The following GALNT15 variants were observed in gnomAD, a reference collection of about 807,000 sequenced individuals.
GALNT15 encodes the protein polypeptide N-acetylgalactosaminyltransferase 15.
GALNT15 carries 67 observed loss-of-function variants against 66.8 expected under a neutral mutation model. The ratio of observed to expected loss-of-function variants is 1.00; its 90% CI spans 0.82 to 1.23. GALNT15 has a LOEUF of 1.23. Ranked by LOEUF, GALNT15 falls within the 50% of genes most tolerant of loss-of-function variation. The pLI, the probability that GALNT15 is intolerant of heterozygous loss-of-function variation, is 0.00. For missense variants in GALNT15, 827 were observed against 804.3 expected (o/e 1.03, Z -0.34); for synonymous variants, 313 against 311.5 (o/e 1.00, Z -0.05).
chr3:16,178,685 A>G (rs1350408008), intron 1 of GALNT15, among the ~76,000 whole-genome samples: 3 of 152,194 alleles, frequency 2.0e-5, no homozygotes, highest in African/African-American at 7.2e-5. Flanking sequence ...CCCTCCCCCC[A>G]GGGTGACAGG....
In GALNT15 at chr3:16,175,410, T is replaced by A. The variant is rs1432589377; in HGVS notation, c.259T>A (p.Phe87Ile). The change falls in exon 1 of 10, where the codon TTT becomes ATT. Residue 87 changes from phenylalanine (F) to isoleucine (I), a missense_variant. Coordinates refer to ENST00000339732, the MANE Select transcript of GALNT15 (RefSeq NM_054110.5). The surrounding 1 kb of genome is among the most constrained non-coding windows in gnomAD (Gnocchi z 5.6). Reference protein sequence around the residue: ...EYSPLEGLPPFISLREDQLLV... With the variant: ...EYSPLEGLPPIISLREDQLLV... ...CAGCCCTCTGGAGGGCCTGCCACCC[T>A]TTATCTCACTGCGGGAGGATCAGCT... 6.2e-7 allele frequency: 1 copy of A among 1,614,136 alleles called. No homozygotes were observed. The highest frequency in any genetic ancestry group is 1.7e-5 in the Admixed American group (1 of 60,022).
chr3:16,184,045 C>T lies in GALNT15; in HGVS notation c.539+8355C>T, dbSNP rs2124842661. On this transcript the variant is annotated intron_variant, in intron 1 of 9. Transcript: ENST00000339732. This position sits in a 1 kb window ranked among gnomAD's most constrained non-coding sequence, Gnocchi z 5.0. ...TTTCAATCCAGGACACACCCCTGGG[C>T]TGGAGAAAGGTATCAACATCCCTGT... is the stretch of plus-strand genomic sequence containing the variant. 6.6e-6 allele frequency among the ~76,000 whole-genome samples: 1 copy of T among 152,282 alleles called. No homozygotes were observed. The highest frequency in any genetic ancestry group is 1.5e-5 in the Non-Finnish European group (1 of 68,024).
intron 8 of GALNT15, among the ~76,000 whole-genome samples, chr3:16,222,223 A>G (rs2063949663): frequency 6.6e-6 from 1 of 152,228 alleles, no homozygotes; most frequent in Non-Finnish European, 1.5e-5. Context: ...AAACGGCAGG[A>G]AAGTTAGTTT....
intron 8 of GALNT15, among the ~76,000 whole-genome samples, chr3:16,221,212 A>G (rs575638757): frequency 1.3e-5 from 2 of 151,268 alleles, no homozygotes; most frequent in South Asian, 4.2e-4. Context: ...CAAAAGAACA[A>G]TACAGCCTCC....
chr3:16,243,898 A>G, the GALNT15 span: 37 of 586,986 alleles, frequency 6.3e-5, no homozygotes, highest in Non-Finnish European at 7.5e-5. Context: ...ACTCCACCAC[A>G]GCCACAGATT....
rs774152107 is a variant in GALNT15 at position 16,208,671 on chromosome 3, G to A, written c.1079+1G>A. On this transcript the variant is annotated splice_donor_variant, in intron 4 of 9. Transcript: ENST00000339732. LOFTEE classifies it high-confidence loss of function. Reference sequence around the variant, plus strand: ...TCCAGTCCCCCATAAGCCCCATCAGGTGAGTCCCCATTTCACACCTGCTTT... The same window carrying A: ...TCCAGTCCCCCATAAGCCCCATCAGATGAGTCCCCATTTCACACCTGCTTT... The A allele has an allele frequency of 4.0e-5, 65 of 1,613,100 alleles. No homozygotes were observed. The highest frequency in any genetic ancestry group is 5.3e-5 in the Non-Finnish European group (63 of 1,179,544).
At chr3:16,190,940 C>A (rs1352456119) in intron 1 of GALNT15, among the ~76,000 whole-genome samples, 1 of 152,222 alleles carries the variant, frequency 6.6e-6, no homozygotes, top group Non-Finnish European at 1.5e-5. Flanking sequence ...GCGTGAACTT[C>A]TTTCCCTGAG....
intron 1 of GALNT15, among the ~76,000 whole-genome samples, chr3:16,194,304 A>G (rs779980490): frequency 2.0e-4 from 30 of 152,322 alleles, no homozygotes; most frequent in South Asian, 2.1e-4. Context: ...TTTTTCTTCC[A>G]TAAAAATAAT....
intron 2 of GALNT15, among the ~76,000 whole-genome samples, chr3:16,198,671 T>C (rs1422695722): frequency 7.0e-6 from 1 of 142,808 alleles, no homozygotes; most frequent in African/African-American, 2.6e-5. Context: ...AGAAAAATAA[T>C]TATAAAGTAA....
chr3:16,177,347 G>A (rs184163810), intron 1 of GALNT15, among the ~76,000 whole-genome samples: 104 of 152,344 alleles, frequency 6.8e-4, no homozygotes, highest in African/African-American at 2.4e-3. Context: ...TGGTCTGTGT[G>A]TGTGACTGTG....
intron 1 of GALNT15, among the ~76,000 whole-genome samples, chr3:16,179,915 C>T (rs1351871635): frequency 6.6e-6 from 1 of 152,200 alleles, no homozygotes; most frequent in East Asian, 1.9e-4. Flanking sequence ...GAGGAACAAG[C>T]CCGGCCCATT....
downstream of GALNT15, among the ~76,000 whole-genome samples, chr3:16,233,591 C>T (rs975615098): frequency 3.3e-5 from 5 of 152,028 alleles, no homozygotes; most frequent in African/African-American, 9.7e-5. Context: ...TATCTTTCCC[C>T]AACTTTCCTC....
rs1440543722 is a variant in GALNT15, at chr3:16,181,328, G to A, written c.539+5638G>A. 4.6e-5 allele frequency among the ~76,000 whole-genome samples: 7 copies of A among 152,102 alleles called. No individual in the cohort carries two copies. Among genetic ancestry groups the A allele is most frequent in the African/African-American group, 1.7e-4 (7 of 41,418 alleles). On this transcript the variant is annotated intron_variant, in intron 1 of 9. Coordinates refer to ENST00000339732, the MANE Select transcript of GALNT15 (RefSeq NM_054110.5). The surrounding 1 kb of genome is among the most constrained non-coding windows in gnomAD (Gnocchi z 5.9). ...GCACCAAGAGCTTAAAACTCCCCAG[G>A]TGGTTCTATCGTGAAGCCAGGCTGC... is the stretch of plus-strand genomic sequence containing the variant.
rs2063537741 is a variant in GALNT15 at position 16,188,269 on chromosome 3, A to G, written c.540-7491A>G. 6.6e-6 allele frequency among the ~76,000 whole-genome samples: 1 copy of G among 152,208 alleles called. No homozygotes were observed. The highest frequency in any genetic ancestry group is 2.4e-5 in the African/African-American group (1 of 41,446). ...AATCTTCCCCAGTGGTGGAAGTGAG[A>G]AGTTACAGGAACTCAGTTGGCACAA... is the stretch of plus-strand genomic sequence containing the variant. On this transcript the variant is annotated intron_variant, in intron 1 of 9. Coordinates refer to ENST00000339732, the MANE Select transcript of GALNT15 (RefSeq NM_054110.5). The surrounding 1 kb of genome is among the most constrained non-coding windows in gnomAD (Gnocchi z 4.6).
intron 5 of GALNT15, among the ~76,000 whole-genome samples, chr3:16,212,290 C>T (rs911283106): frequency 7.2e-5 from 11 of 152,084 alleles, no homozygotes; most frequent in African/African-American, 2.7e-4. Flanking sequence ...GCTGGACCTG[C>T]ATGTGTTTGA....
Position 16,208,574 on chromosome 3 carries a change from T to C in GALNT15, c.983T>C (p.Leu328Pro). 1 of 1,614,188 alleles carries C rather than the reference T, an allele frequency of 6.2e-7. No individual in the cohort carries two copies. Among genetic ancestry groups the C allele is most frequent in the Non-Finnish European group, 8.5e-7 (1 of 1,180,016 alleles). The part of the protein sequence containing the change: ...KTFQYYPSKD[L>P]QRGVLDWKLD... ...TTCCAGTATTACCCCTCAAAGGACC[T>C]GCAGCGTGGGGTGTTGGACTGGAAG... The change falls in exon 4 of 10, where the codon CTG (leucine) becomes CCG (proline). Residue 328 changes from leucine to proline, a missense_variant. Physicochemically the swap from Leu to Pro is moderately conservative, Grantham distance 98 (BLOSUM62 -3). Coordinates refer to ENST00000339732, the MANE Select transcript of GALNT15 (RefSeq NM_054110.5).
At chr3:16,223,135 C>A (rs908237439) in intron 9 of GALNT15, among the ~76,000 whole-genome samples, 3 of 152,152 alleles carry the variant, frequency 2.0e-5, no homozygotes, top group Non-Finnish European at 4.4e-5. Flanking sequence ...TCCCTCCCCC[C>A]ACCAAGAAAC....
chr3:16,245,204 C>T, the GALNT15 span, among the ~76,000 whole-genome samples: 10 of 152,178 alleles, frequency 6.6e-5, no homozygotes, highest in African/African-American at 9.7e-5. Context: ...GCAACTTTAA[C>T]GTGTCCTTAT....
At position 16,200,531 on chromosome 3, in the gene GALNT15, A is replaced by G. The variant is rs1443498468; in HGVS notation, c.707-88A>G. On this transcript the variant is annotated intron_variant, in intron 2 of 9. Transcript: ENST00000339732. The surrounding 1 kb of genome is among the most constrained non-coding windows in gnomAD (Gnocchi z 4.4). ...GACCCAGGTGCTCACCACAGCTTCC[A>G]AAAGAGAGTTGCTGACGATTGTCTT... 1.3e-5 allele frequency: 15 copies of G among 1,119,146 alleles called. No homozygotes were observed. Among genetic ancestry groups the G allele is most frequent in the African/African-American group, 1.6e-5 (1 of 62,276 alleles). The allele number at this position is 1,119,146 out of a possible 1,614,324, so 69.3% of individuals were successfully genotyped here. A position where few individuals can be genotyped will look rare whatever the true frequency, so the allele number is the denominator to read the frequency against.
Sources: allele counts gnomAD v4.1 joint callset (sites outside exome capture counted in the v4.1 genomes callset), GRCh38; gene constraint gnomAD v4.1.1; non-coding constraint Gnocchi (gnomAD v3.1); transcripts MANE v1.5; gene names NCBI Gene and HGNC (gene_info 2026-07-23, HGNC 2026-07-21).